The following UBE2E2 variants were observed in gnomAD, a reference collection of about 807,000 sequenced individuals.
UBE2E2 encodes the protein ubiquitin conjugating enzyme E2 E2.
In UBE2E2, 6 loss-of-function variants were observed where a neutral mutation model predicts 24.7. The observed-to-expected ratio is 0.24, with a 90% confidence interval of 0.13 to 0.48. UBE2E2 has a LOEUF of 0.48. Ranked by LOEUF, UBE2E2 falls within the 20% of genes least tolerant of loss-of-function variation. The probability of loss-of-function intolerance (pLI) is 0.99; values close to 1 mark genes in which losing one functional copy is unlikely to be tolerated. For synonymous variants in UBE2E2, 104 were observed against 83.6 expected, an observed-to-expected ratio of 1.24 and a Z score of -1.33; for missense variants, 169 against 245.0, an observed-to-expected ratio of 0.69 and a Z score of 2.07.
chr3:23,535,923 C>G lies in UBE2E2; in HGVS notation c.508+3222C>G, dbSNP rs1403478812. 5.9e-5 allele frequency among the ~76,000 whole-genome samples: 9 copies of G among 152,202 alleles called. No homozygotes were observed. In the East Asian group the frequency reaches 1.7e-3, roughly 29 times the overall value. ...GGCGTGAGCCACCCAACCAGCCAAGCATTCTTATTTGTTAGACGTTACCTG... is the reference window on the plus strand; with the variant it reads ...GGCGTGAGCCACCCAACCAGCCAAGGATTCTTATTTGTTAGACGTTACCTG... On this transcript the variant is annotated intron_variant, in intron 5 of 5. Transcript: ENST00000396703.
chr3:23,443,573 G>A (rs1434719945), intron 3 of UBE2E2, among the ~76,000 whole-genome samples: 1 of 152,110 alleles, frequency 6.6e-6, no homozygotes, highest in Non-Finnish European at 1.5e-5. Flanking sequence ...TCCTCCATGG[G>A]GGTATGCAAG....
rs1459499219 is a variant in UBE2E2, at chr3:23,262,999, G to A, written c.227+45687G>A. On this transcript the variant is annotated intron_variant, in intron 3 of 5. Coordinates refer to ENST00000396703, the MANE Select transcript of UBE2E2 (RefSeq NM_152653.4). ...AGCTTGTTTTTCTGAGTGTACAGAG[G>A]GAAATTACTTCCTACTGATGAGGAA... Among the ~76,000 whole-genome samples, 19 of 152,248 alleles carry A rather than the reference G, an allele frequency of 1.2e-4. No homozygotes were observed. In the South Asian group the frequency reaches 3.7e-3, roughly 30 times the overall value.
At chr3:23,515,676 G>A (rs182649748) in intron 4 of UBE2E2, among the ~76,000 whole-genome samples, 3 of 152,132 alleles carry the variant, frequency 2.0e-5, no homozygotes, top group Non-Finnish European at 4.4e-5. Flanking sequence ...AATTTGAAGG[G>A]CAAGGTGCAG....
At chr3:23,211,596 A>G (rs559266830) in intron 2 of UBE2E2, among the ~76,000 whole-genome samples, 14 of 151,892 alleles carry the variant, frequency 9.2e-5, no homozygotes, top group African/African-American at 1.9e-4. Context: ...GAGTCTCACT[A>G]TGTTGCTCAG....
intron 3 of UBE2E2, among the ~76,000 whole-genome samples, chr3:23,388,532 C>T (rs771419988): frequency 2.6e-5 from 4 of 152,102 alleles, no homozygotes; most frequent in Non-Finnish European, 4.4e-5. Flanking sequence ...CTTTTATTAG[C>T]ACCTTAAAAT....
chr3:23,382,374 G>T (rs1472499518), intron 3 of UBE2E2, among the ~76,000 whole-genome samples: 1 of 151,754 alleles, frequency 6.6e-6, no homozygotes, highest in East Asian at 1.9e-4. Context: ...TACAGAGGGG[G>T]TTTTACCATG....
intron 3 of UBE2E2, among the ~76,000 whole-genome samples, chr3:23,353,001 C>A (rs1165983536): frequency 1.3e-5 from 2 of 152,146 alleles, no homozygotes; most frequent in Admixed American, 1.3e-4. Context: ...TACTAGCAAA[C>A]CGAATCCAGC....
chr3:23,492,313 T>C (rs1306341943), intron 3 of UBE2E2, among the ~76,000 whole-genome samples: 1 of 152,244 alleles, frequency 6.6e-6, no homozygotes, highest in Non-Finnish European at 1.5e-5. Flanking sequence ...ACATGGACTC[T>C]GCTTATAAGC....
In UBE2E2 at chr3:23,574,428, T is replaced by A. The variant is rs1696298165; in HGVS notation, c.509-15306T>A. On this transcript the variant is annotated intron_variant, in intron 5 of 5. Transcript: ENST00000396703. ...GATACATGCTTGAGGGGATGAATAC[T>A]CCATTTGCCATGATGTGATTGTTAT... Among the ~76,000 whole-genome samples, 3 of 152,178 alleles carry A rather than the reference T, an allele frequency of 2.0e-5. 1 individual carries two copies. The South Asian group carries it at 6.2e-4, about 32-fold the overall frequency.
At chr3:23,445,395 G>C (rs1234537671) in intron 3 of UBE2E2, among the ~76,000 whole-genome samples, 1 of 152,002 alleles carries the variant, frequency 6.6e-6, no homozygotes, top group Non-Finnish European at 1.5e-5. Context: ...TTGTTTTCTA[G>C]GCCCCTGATC....
chr3:23,430,116 C>G (rs1327652413), intron 3 of UBE2E2, among the ~76,000 whole-genome samples: 3 of 152,150 alleles, frequency 2.0e-5, no homozygotes, highest in Admixed American at 6.5e-5. Context: ...TTTTGAGATT[C>G]AGACCCCTTG....
rs895863671 is a variant in UBE2E2 at position 23,440,523 on chromosome 3, C to T, written c.228-59085C>T. ...ACGGACCCACGTTCATACGCGTGAA[C>T]AGAAATCTTTCAGCAACAAAAGAGA... On this transcript the variant is annotated intron_variant, in intron 3 of 5. Transcript: ENST00000396703. Among the ~76,000 whole-genome samples the T allele has an allele frequency of 3.9e-5, 6 of 152,138 alleles. 1 individual carries two copies. Among genetic ancestry groups the T allele is most frequent in the African/African-American group, 1.2e-4 (5 of 41,430 alleles).
At chr3:23,565,575 G>A (rs1352326687) in intron 5 of UBE2E2, among the ~76,000 whole-genome samples, 2 of 148,990 alleles carry the variant, frequency 1.3e-5, no homozygotes, top group African/African-American at 2.5e-5. Flanking sequence ...TCAAAGACCT[G>A]CTTAGGGAAG....
chr3:23,454,394 C>G (rs1197893443), intron 3 of UBE2E2, among the ~76,000 whole-genome samples: 2 of 152,060 alleles, frequency 1.3e-5, no homozygotes, highest in African/African-American at 4.8e-5. Context: ...ATTTTAAAAG[C>G]TGAGAGTTGG....
intron 3 of UBE2E2, among the ~76,000 whole-genome samples, chr3:23,383,806 A>G (rs1158010812): frequency 6.6e-6 from 1 of 151,530 alleles, no homozygotes; most frequent in Non-Finnish European, 1.5e-5. Context: ...AAACTAAGTT[A>G]TTCTTTGTTA....
In UBE2E2 at chr3:23,373,122, T is replaced by C. The variant is rs183488496; in HGVS notation, c.228-126486T>C. ...AAACTCCAGACCCTTCCTCCTCAAC[T>C]CCCCATGGAAACTGTCTCCCCTGAA... On this transcript the variant is annotated intron_variant, in intron 3 of 5. Coordinates refer to ENST00000396703, the MANE Select transcript of UBE2E2 (RefSeq NM_152653.4). Among the ~76,000 whole-genome samples, 1,208 of 152,142 alleles carry C rather than the reference T, an allele frequency of 7.9e-3. 22 individuals carry two copies. The highest frequency in any genetic ancestry group is 0.027 in the African/African-American group (1,121 of 41,482).
chr3:23,386,074 C>G (rs765982285), intron 3 of UBE2E2, among the ~76,000 whole-genome samples: 52 of 152,012 alleles, frequency 3.4e-4, no homozygotes, highest in Admixed American at 2.0e-4. Context: ...GGCTATTTAT[C>G]TCTTTAACAC....
chr3:23,232,341 G>T lies in UBE2E2; in HGVS notation c.227+15029G>T, dbSNP rs565593172. ...TCACTTTGCTAGGTCTCAGATTATTGCATGTTGTTTCATAAATACCTTTTA... is the reference window on the plus strand; with the variant it reads ...TCACTTTGCTAGGTCTCAGATTATTTCATGTTGTTTCATAAATACCTTTTA... On this transcript the variant is annotated intron_variant, in intron 3 of 5. Transcript: ENST00000396703. Among the ~76,000 whole-genome samples the T allele has an allele frequency of 4.6e-5, 7 of 152,258 alleles. No homozygotes were observed. The South Asian group carries it at 1.0e-3, about 23-fold the overall frequency.
intron 3 of UBE2E2, among the ~76,000 whole-genome samples, chr3:23,224,259 A>G (rs1379378652): frequency 7.2e-6 from 1 of 139,144 alleles, no homozygotes; most frequent in African/African-American, 2.7e-5. Flanking sequence ...TAGTCTTGTC[A>G]TTTAAAAATA....
Sources: allele counts gnomAD v4.1 joint callset (sites outside exome capture counted in the v4.1 genomes callset), GRCh38; gene constraint gnomAD v4.1.1; transcripts MANE v1.5; gene names NCBI Gene and HGNC (gene_info 2026-07-23, HGNC 2026-07-21).